The following RDM1 variants were observed in gnomAD, a reference collection of about 807,000 sequenced individuals.
The protein encoded by RDM1 is RAD52 motif-containing protein 1.
Under a neutral mutation model 27.7 loss-of-function variants are expected in RDM1, and 28 were observed. That is an observed-to-expected ratio of 1.01 (90% CI 0.75 to 1.39). The LOEUF is 1.39. Among genes scored for constraint, RDM1 ranks in the 40% most tolerant of loss-of-function variants. The pLI, the probability that RDM1 is intolerant of heterozygous loss-of-function variation, is 0.00. For synonymous variants in RDM1, 124 were observed against 127.5 expected, an observed-to-expected ratio of 0.97 and a Z score of 0.19; for missense variants, 277 against 337.3, an observed-to-expected ratio of 0.82 and a Z score of 1.40.
intron 4 of RDM1, among the ~76,000 whole-genome samples, chr17:35,922,936 C>T (rs771108056): frequency 6.6e-6 from 1 of 152,062 alleles, no homozygotes; most frequent in Non-Finnish European, 1.5e-5. Flanking sequence ...CTCACATCAC[C>T]CAGAGATTTC....
Position 35,930,626 on chromosome 17 carries a change from G to T in RDM1, c.96+6C>A. The T allele has an allele frequency of 6.2e-7, 1 of 1,611,788 alleles. No homozygotes were observed. The highest frequency in any genetic ancestry group is 8.5e-7 in the Non-Finnish European group (1 of 1,179,368). Reference sequence around the variant, plus strand: ...CATCCCTCCCTCCATCCTGGCCCCGGCTCACATGCAAAGCCTCGGCCGTGG... The same window carrying T: ...CATCCCTCCCTCCATCCTGGCCCCGTCTCACATGCAAAGCCTCGGCCGTGG... On this transcript the variant is annotated splice_donor_region_variant and intron_variant, in intron 1 of 6. Transcript: ENST00000620284.
In RDM1 at chr17:35,925,581, A is replaced by G; in HGVS notation, c.333T>C (p.Ser111=). The G allele has an allele frequency of 6.2e-7, 1 of 1,614,166 alleles. No homozygotes were observed. The change falls in exon 3 of 7, where the codon AGT becomes AGC. Residue 111 remains serine, a synonymous_variant. Coordinates refer to ENST00000620284, the MANE Select transcript of RDM1 (RefSeq NM_145654.4). The part of the protein sequence containing the change: ...AVQHQALALN[S]SKCQELANYY... ...AATTCGCCAGTTCTTGGCATTTGGA[A>G]CTGTTCAGGGCAAGGGCTTGATGTT...
At chr17:35,930,055 G>T in intron 2 of RDM1, 21 bp downstream of exon 2, 1 of 1,599,618 alleles carries the variant, frequency 6.3e-7, no homozygotes, top group Non-Finnish European at 8.5e-7. Flanking sequence ...GCGGAGCTAG[G>T]AATTCCATAT....
rs2089299717 is a variant in RDM1 at position 35,930,772 on chromosome 17, G to GCGCCTGCGCAAGGCA, written c.-46_-45insTGCCTTGCGCAGGCG. The GCGCCTGCGCAAGGCA allele has an allele frequency of 6.3e-7, 1 of 1,584,326 alleles. No individual in the cohort carries two copies. Among genetic ancestry groups the GCGCCTGCGCAAGGCA allele is most frequent in the Admixed American group, 1.8e-5 (1 of 56,766 alleles). ...CGCGGCTAACCCTCGCCCCAGCATTGCGCCTGCGCAAGGCACGCCCGCGCT... is the reference window on the plus strand; with the variant it reads ...CGCGGCTAACCCTCGCCCCAGCATTGCGCCTGCGCAAGGCACGCCTGCGCAAGGCACGCCCGCGCT... On this transcript the variant is annotated 5_prime_UTR_variant, in exon 1 of 7. Coordinates refer to ENST00000620284, the MANE Select transcript of RDM1 (RefSeq NM_145654.4).
Position 35,930,163 on chromosome 17 carries a change from G to C in RDM1, c.189C>G (p.Ala63=). The C allele has an allele frequency of 1.9e-6, 3 of 1,614,078 alleles. No homozygotes were observed. Among genetic ancestry groups the C allele is most frequent in the Non-Finnish European group, 2.5e-6 (3 of 1,180,026 alleles). ...NAAVAHPGFY[A]VIKFYSARAA... ...CCCTTGCAGAATAAAACTTAATGAC[G>C]GCATAGAAACCAGGATGGGCCACTG... The change falls in exon 2 of 7, where the codon GCC becomes GCG. Residue 63 remains alanine (A), a synonymous_variant. Coordinates refer to ENST00000620284, the MANE Select transcript of RDM1 (RefSeq NM_145654.4).
At chr17:35,920,931 C>T (rs2088923795) in intron 5 of RDM1, among the ~76,000 whole-genome samples, 1 of 152,158 alleles carries the variant, frequency 6.6e-6, no homozygotes, top group Non-Finnish European at 1.5e-5. Flanking sequence ...AAAGCAAGTT[C>T]AAATTTGGAA....
chr17:35,924,173 A>T (rs751258910), intron 4 of RDM1, among the ~76,000 whole-genome samples: 1 of 152,118 alleles, frequency 6.6e-6, no homozygotes, highest in Non-Finnish European at 1.5e-5. Context: ...GTGAGCTATG[A>T]TCATGCTACT....
At chr17:35,927,452 C>T (rs528118912) in intron 2 of RDM1, among the ~76,000 whole-genome samples, 8 of 151,890 alleles carry the variant, frequency 5.3e-5, no homozygotes, top group East Asian at 3.9e-4. Flanking sequence ...AAAAACAAAA[C>T]GAAAAAACCA....
intron 2 of RDM1, among the ~76,000 whole-genome samples, chr17:35,929,787 C>G (rs2089264986): frequency 6.6e-6 from 1 of 152,074 alleles, no homozygotes; most frequent in Admixed American, 6.6e-5. Flanking sequence ...CATTTTGTTG[C>G]CCAAGCTGAG....
chr17:35,918,368 C>G lies in RDM1; in HGVS notation c.829G>C (p.Glu277Gln). 2 of 1,613,992 alleles carry G rather than the reference C, an allele frequency of 1.2e-6. No homozygotes were observed. Among genetic ancestry groups the G allele is most frequent in the Non-Finnish European group, 1.7e-6 (2 of 1,180,006 alleles). ...TAGTCAAGTTCTGGCAGCCTGAACT[C>G]TTCCTCCTCCAAGCTGAAATCCGAG... ...YLSDFSLEEE[E>Q]FRLPELD The change falls in exon 7 of 7, where the codon GAG (glutamate) becomes CAG (glutamine). Residue 277 changes from glutamate (E) to glutamine (Q), a missense_variant. Transcript: ENST00000620284.
At chr17:35,921,805 A>G (rs184549862) in intron 5 of RDM1, among the ~76,000 whole-genome samples, 46 of 152,316 alleles carry the variant, frequency 3.0e-4, no homozygotes, top group Admixed American at 7.8e-4. Context: ...AATGTCCTCC[A>G]TAAGGCTGAC....
At chr17:35,922,753 A>T in intron 4 of RDM1, 78 bp from the exon 5 acceptor site, 1 of 1,211,546 alleles carries the variant, frequency 8.3e-7, no homozygotes, top group Non-Finnish European at 1.2e-6. Flanking sequence ...ATAAAAAAGC[A>T]TCCACGATTC....
At chr17:35,923,845 T>C (rs997212897) in intron 4 of RDM1, among the ~76,000 whole-genome samples, 3 of 152,092 alleles carry the variant, frequency 2.0e-5, no homozygotes, top group Non-Finnish European at 2.9e-5. Flanking sequence ...GGTATCTATA[T>C]TAGACACTTT....
chr17:35,922,671 T>C lies in RDM1; in HGVS notation c.573A>G (p.Pro191=), dbSNP rs147460891. The C allele has an allele frequency of 1.2e-6, 2 of 1,604,508 alleles. No individual in the cohort carries two copies. Among genetic ancestry groups the C allele is most frequent in the African/African-American group, 2.7e-5 (2 of 74,460 alleles). The change falls in exon 5 of 7, where the codon CCA becomes CCG. Residue 191 remains proline (P), a synonymous_variant. Coordinates refer to ENST00000620284, the MANE Select transcript of RDM1 (RefSeq NM_145654.4). ...EEPMDKVEEG[P]LSFLMKRKTA... ...TCTTCCTTTTCATAAGGAATGATAA[T>C]GGTCCTAAATCCAACCAAAACAAAT... is the stretch of plus-strand genomic sequence containing the variant.
chr17:35,925,777 T>G (rs2089125463), intron 2 of RDM1, 140 bp from the exon 3 acceptor site: 1 of 937,676 alleles, frequency 1.1e-6, no homozygotes, highest in South Asian at 1.8e-5. Flanking sequence ...CTTGAGAATA[T>G]GACCTGAATA....
intron 1 of RDM1, 153 bp from the exon 2 acceptor site, chr17:35,930,408 T>G (rs970665817): frequency 9.0e-7 from 1 of 1,109,986 alleles, no homozygotes. Context: ...ATCCTAAACT[T>G]TAAGAAGCAC....
At position 35,920,242 on chromosome 17, in the gene RDM1, G is replaced by T; in HGVS notation, c.698C>A (p.Pro233His). The T allele has an allele frequency of 6.3e-7, 1 of 1,596,468 alleles. No individual in the cohort carries two copies. Among genetic ancestry groups the T allele is most frequent in the Non-Finnish European group, 8.6e-7 (1 of 1,167,652 alleles). The stretch of plus-strand genomic sequence containing the variant: ...TCTGACACCTACGATGTCTTCACTG[G>T]GTCTGTACTCCACAGCTATTTTACC... ...ESGKIAVEYR[P>H]SEDIVGVRCE... Residue 233 changes from proline (P) to histidine (H), a missense_variant, in exon 6 of 7, where the codon CCC (proline) becomes CAC (histidine). Pro to His is a moderately conservative substitution (Grantham distance 77, BLOSUM62 -2). Transcript: ENST00000620284.
At chr17:35,923,177 C>A (rs1248326081) in intron 4 of RDM1, among the ~76,000 whole-genome samples, 2 of 151,878 alleles carry the variant, frequency 1.3e-5, no homozygotes, top group African/African-American at 2.4e-5. Flanking sequence ...ATGGTGAAAC[C>A]CTGTCTCTAC....
At chr17:35,925,407 C>T (rs571360276) in intron 3 of RDM1, 108 bp downstream of exon 3, 37 of 1,182,404 alleles carry the variant, frequency 3.1e-5, no homozygotes, top group Non-Finnish European at 4.3e-5. Flanking sequence ...ATGGTAGAGG[C>T]CTCTCACATC....
Sources: allele counts gnomAD v4.1 joint callset (sites outside exome capture counted in the v4.1 genomes callset), GRCh38; gene constraint gnomAD v4.1.1; transcripts MANE v1.5; gene names NCBI Gene and HGNC (gene_info 2026-07-23, HGNC 2026-07-21).